The following FSIP1 variants were observed in gnomAD, a reference collection of about 807,000 sequenced individuals.
FSIP1 encodes the protein fibrous sheath interacting protein 1.
FSIP1 carries 65 observed loss-of-function variants against 60.9 expected under a neutral mutation model. That is an observed-to-expected ratio of 1.07 (90% CI 0.87 to 1.31). The LOEUF (loss-of-function observed/expected upper bound fraction) is 1.31. Ranked by LOEUF, FSIP1 falls within the 40% of genes most tolerant of loss-of-function variation. FSIP1 has a pLI of 0.00. For missense variants in FSIP1, 675 were observed against 665.5 expected (o/e 1.01, Z -0.16); for synonymous variants, 209 against 221.2 (o/e 0.94, Z 0.49).
rs375675134 is a variant in FSIP1 at position 39,645,911 on chromosome 15, C to T, written c.1189-27666G>A. On this transcript the variant is annotated intron_variant, in intron 10 of 11. Coordinates refer to ENST00000350221, the MANE Select transcript of FSIP1 (RefSeq NM_152597.5). The stretch of plus-strand genomic sequence containing the variant: ...GAAGGGGGCAGGGTCCCCAGTAAGG[C>T]CCCACTTTCAGGCCGTCCCTGGCCT... Among the ~76,000 whole-genome samples, 5 of 152,350 alleles carry T rather than the reference C, an allele frequency of 3.3e-5. 1 individual carries two copies. The highest frequency in any genetic ancestry group is 6.5e-5 in the Admixed American group (1 of 15,312).
intron 10 of FSIP1, among the ~76,000 whole-genome samples, chr15:39,712,182 C>T (rs1341484738): frequency 6.7e-6 from 1 of 149,934 alleles, no homozygotes; most frequent in Admixed American, 6.7e-5. Flanking sequence ...GCCTGAGCTC[C>T]TGTAGGCTCT....
intron 11 of FSIP1, among the ~76,000 whole-genome samples, chr15:39,605,427 G>A (rs575317050): frequency 2.0e-5 from 3 of 152,296 alleles, no homozygotes; most frequent in South Asian, 2.1e-4. Flanking sequence ...CTTTATTGCC[G>A]GGAAGTATCA....
At chr15:39,602,747 T>A (rs1400290905) in intron 11 of FSIP1, among the ~76,000 whole-genome samples, 1 of 152,156 alleles carries the variant, frequency 6.6e-6, no homozygotes, top group Admixed American at 6.5e-5. Flanking sequence ...ACCCAGCAAA[T>A]AACCATTCAT....
chr15:39,618,281 G>A, intron 10 of FSIP1, 36 bp from the exon 11 acceptor site: 2 of 1,540,638 alleles, frequency 1.3e-6, no homozygotes, highest in Non-Finnish European at 1.8e-6. Flanking sequence ...ATAGTCAGTT[G>A]ACTGAGTAAA....
chr15:39,605,261 G>C (rs547730069), intron 11 of FSIP1, among the ~76,000 whole-genome samples: 11 of 152,200 alleles, frequency 7.2e-5, no homozygotes, highest in African/African-American at 2.6e-4. Context: ...TAATTTAGCA[G>C]CCTGGACATT....
intron 10 of FSIP1, among the ~76,000 whole-genome samples, chr15:39,649,301 T>C (rs1015563902): frequency 1.3e-5 from 2 of 152,208 alleles, no homozygotes; most frequent in Non-Finnish European, 2.9e-5. Flanking sequence ...GACAGAGTAA[T>C]TTATCCTAAA....
chr15:39,687,136 CCTTTTTTT>C (rs1369604998), intron 10 of FSIP1, among the ~76,000 whole-genome samples: 5 of 47,708 alleles, frequency 1.0e-4, no homozygotes, highest in African/African-American at 1.7e-4. Context: ...CTTTTCTTTT[CCTTTTTTT>C]TTTTTTTTTT....
rs547265494 is a variant in FSIP1, at chr15:39,759,090, T to C, written c.559+4731A>G. On this transcript the variant is annotated intron_variant, in intron 5 of 11. Coordinates refer to ENST00000350221, the MANE Select transcript of FSIP1 (RefSeq NM_152597.5). Reference sequence around the variant, plus strand: ...ATAACTGATGAAAGGAAAATATATATTTTTTATACAATCTTGAGACATAAA... The same window carrying C: ...ATAACTGATGAAAGGAAAATATATACTTTTTATACAATCTTGAGACATAAA... Among the ~76,000 whole-genome samples, 71 of 152,174 alleles carry C rather than the reference T, an allele frequency of 4.7e-4. 1 individual carries two copies. The highest frequency in any genetic ancestry group is 1.6e-3 in the African/African-American group (68 of 41,552).
At chr15:39,709,287 T>C (rs1595642792) in intron 10 of FSIP1, among the ~76,000 whole-genome samples, 1 of 152,192 alleles carries the variant, frequency 6.6e-6, no homozygotes, top group Non-Finnish European at 1.5e-5. Flanking sequence ...GATGTTCCAT[T>C]GCAGGAGGCA....
intron 8 of FSIP1, among the ~76,000 whole-genome samples, chr15:39,737,569 A>G (rs1379530296): frequency 6.6e-6 from 1 of 152,214 alleles, no homozygotes; most frequent in Non-Finnish European, 1.5e-5. Flanking sequence ...CACTGCTTAG[A>G]ATGACATTAA....
At chr15:39,603,956 T>TTTG (rs374312163) in intron 11 of FSIP1, among the ~76,000 whole-genome samples, 125 of 152,212 alleles carry the variant, frequency 8.2e-4, no homozygotes, top group Non-Finnish European at 1.6e-3. Context: ...TACATTTCTT[T>TTTG]TTGTTGTTGT....
chr15:39,739,175 T>G (rs181287167), intron 7 of FSIP1, among the ~76,000 whole-genome samples: 529 of 152,312 alleles, frequency 3.5e-3, no homozygotes, highest in Middle Eastern at 0.01. Context: ...TGAAGGCCAG[T>G]GACCAGCTGC....
At chr15:39,639,092 A>G (rs1892253362) in intron 10 of FSIP1, among the ~76,000 whole-genome samples, 1 of 152,254 alleles carries the variant, frequency 6.6e-6, no homozygotes, top group Admixed American at 6.5e-5. Context: ...AAGAGAAAAA[A>G]GAGCAAATGG....
intron 11 of FSIP1, among the ~76,000 whole-genome samples, chr15:39,616,826 G>A (rs1361501133): frequency 1.3e-5 from 2 of 152,192 alleles, no homozygotes; most frequent in African/African-American, 4.8e-5. Flanking sequence ...ACTTGAGGCA[G>A]GGAGGTCTGG....
intron 10 of FSIP1, among the ~76,000 whole-genome samples, chr15:39,626,660 TC>T: frequency 6.6e-6 from 1 of 152,140 alleles, no homozygotes; most frequent in South Asian, 2.1e-4. Context: ...AGTGACAGTT[TC>T]CCCCGTGTGC....
intron 1 of FSIP1, among the ~76,000 whole-genome samples, chr15:39,780,257 C>G (rs910316931): frequency 1.3e-5 from 2 of 152,228 alleles, no homozygotes; most frequent in Non-Finnish European, 2.9e-5. Context: ...GGCGCGGTGG[C>G]TCACGCCTGT....
At chr15:39,770,325 G>T in intron 3 of FSIP1, 102 bp downstream of exon 3, 2 of 825,780 alleles carry the variant, frequency 2.4e-6, no homozygotes, top group Non-Finnish European at 1.7e-6. Context: ...TTTATATTTA[G>T]TTGATAAAAA....
chr15:39,774,665 A>G (rs892863199), intron 2 of FSIP1, among the ~76,000 whole-genome samples: 4 of 152,240 alleles, frequency 2.6e-5, no homozygotes, highest in Non-Finnish European at 5.9e-5. Context: ...AGTCACTTAT[A>G]GCTAGGGTTC....
At chr15:39,776,146 G>A (rs979607218) in intron 2 of FSIP1, among the ~76,000 whole-genome samples, 1 of 131,854 alleles carries the variant, frequency 7.6e-6, no homozygotes, top group Non-Finnish European at 1.6e-5. Flanking sequence ...GGGAGGGGAG[G>A]AGCAGAGGGA....
Sources: allele counts gnomAD v4.1 joint callset (sites outside exome capture counted in the v4.1 genomes callset), GRCh38; gene constraint gnomAD v4.1.1; transcripts MANE v1.5; gene names NCBI Gene and HGNC (gene_info 2026-07-23, HGNC 2026-07-21).